Variants in SPECC1 observed in about 807,000 individuals in gnomAD.
SPECC1 encodes cytospin-B.
SPECC1 carries 62 observed loss-of-function variants against 104.1 expected under a neutral mutation model. That is an observed-to-expected ratio of 0.60 (90% CI 0.49 to 0.74). The LOEUF (loss-of-function observed/expected upper bound fraction) is 0.74, where lower values mean the gene tolerates loss of function less well. Among genes scored for constraint, SPECC1 ranks in the 30% least tolerant of loss-of-function variants. The probability of loss-of-function intolerance (pLI) is 0.00; values close to 1 mark genes in which losing one functional copy is unlikely to be tolerated. For synonymous variants in SPECC1, 513 were observed against 501.6 expected (o/e 1.02, Z -0.30); for missense variants, 1,306 against 1,310.5 (o/e 1.00, Z 0.05).
At chr17:20,211,751 A>T (rs1424675856) in intron 4 of SPECC1, among the ~76,000 whole-genome samples, 1 of 152,210 alleles carries the variant, frequency 6.6e-6, no homozygotes, top group Admixed American at 6.5e-5. Flanking sequence ...AGTTGGGCAG[A>T]TCCACAGAAC....
chr17:20,204,834 A>T lies in SPECC1; in HGVS notation c.785A>T (p.Asn262Ile), dbSNP rs1303597695. 1.2e-6 allele frequency: 2 copies of T among 1,613,974 alleles called. No individual in the cohort carries two copies. The highest frequency in any genetic ancestry group is 2.7e-5 in the African/African-American group (2 of 74,908). The change falls in exon 4 of 15, where the codon AAT becomes ATT. Residue 262 changes from asparagine to isoleucine, a missense_variant. Physicochemically the swap from Asn to Ile is moderately radical, Grantham distance 149. Around this residue, in one of 2 missense-constraint regions of SPECC1, gnomAD observed 1,177 missense variants for 1,139.9 expected, o/e 1.03. Transcript: ENST00000395527. Reference sequence around the variant, plus strand: ...CTGATCTATCTTGAGCACTCCCCAAATTCAGAAGGGGCAGCAAGTCACACT... The same window carrying T: ...CTGATCTATCTTGAGCACTCCCCAATTTCAGAAGGGGCAGCAAGTCACACT... ...EKLIYLEHSP[N>I]SEGAASHTGD...
rs940808674 is a variant in SPECC1 at position 20,315,300 on chromosome 17, A to G, written c.*1235A>G. On this transcript the variant is annotated 3_prime_UTR_variant, in exon 15 of 15. Coordinates refer to ENST00000395527, the MANE Select transcript of SPECC1 (RefSeq NM_001243439.2). ...AGGGCACATTTATAACTAACAAAGA[A>G]GAATGCAGTTGCCCCAGCATCCTAC... 44 of 232,124 alleles carry G rather than the reference A, an allele frequency of 1.9e-4. No individual in the cohort carries two copies. Among genetic ancestry groups the G allele is most frequent in the Non-Finnish European group, 3.6e-4 (42 of 117,396 alleles). 14.4% of individuals were successfully genotyped at this position (232,124 alleles called of 1,614,324 possible).
intron 1 of SPECC1, among the ~76,000 whole-genome samples, chr17:20,068,415 A>G (rs2046435139): frequency 6.6e-6 from 1 of 152,084 alleles, no homozygotes; most frequent in African/African-American, 2.4e-5. Context: ...TTTCTACTTT[A>G]TGGCTACTGT....
At chr17:20,134,925 C>G (rs942742795) in intron 3 of SPECC1, among the ~76,000 whole-genome samples, 2 of 152,192 alleles carry the variant, frequency 1.3e-5, no homozygotes, top group Admixed American at 6.5e-5. Context: ...TTTTCTGGTT[C>G]TGTGTAATCA....
At chr17:20,287,633 C>A (rs2041002137) in intron 12 of SPECC1, among the ~76,000 whole-genome samples, 1 of 152,124 alleles carries the variant, frequency 6.6e-6, no homozygotes, top group Non-Finnish European at 1.5e-5. Flanking sequence ...ACCCCAGTTA[C>A]TGGAAAGGAA....
chr17:20,179,600 A>G (rs535839657), intron 3 of SPECC1, among the ~76,000 whole-genome samples: 79 of 152,216 alleles, frequency 5.2e-4, no homozygotes, highest in Non-Finnish European at 9.3e-4. Flanking sequence ...AGTCAGAAAG[A>G]ATGTCAGAGA....
chr17:20,195,051 T>C (rs944271864), intron 3 of SPECC1, among the ~76,000 whole-genome samples: 1 of 152,194 alleles, frequency 6.6e-6, no homozygotes, highest in Non-Finnish European at 1.5e-5. Flanking sequence ...TACTTCCGTT[T>C]TTTATTGGTT....
intron 1 of SPECC1, among the ~76,000 whole-genome samples, chr17:20,059,692 C>T (rs1828368363): frequency 1.3e-5 from 2 of 152,102 alleles, no homozygotes; most frequent in South Asian, 2.1e-4. Context: ...CTAGTGAGAT[C>T]CCATCTCTAT....
At chr17:20,094,461 C>T (rs1442256609) in intron 1 of SPECC1, among the ~76,000 whole-genome samples, 1 of 152,166 alleles carries the variant, frequency 6.6e-6, no homozygotes, top group Non-Finnish European at 1.5e-5. Context: ...GACTTAGACT[C>T]CTGAAATGTT....
At chr17:20,264,121 G>A (rs1313454837) in intron 12 of SPECC1, among the ~76,000 whole-genome samples, 1 of 152,020 alleles carries the variant, frequency 6.6e-6, no homozygotes, top group Non-Finnish European at 1.5e-5. Context: ...AAAAATAACT[G>A]GTGAAAACTT....
intron 1 of SPECC1, among the ~76,000 whole-genome samples, chr17:20,020,009 C>G (rs1205032476): frequency 6.6e-6 from 1 of 152,176 alleles, no homozygotes; most frequent in African/African-American, 2.4e-5. Flanking sequence ...GGGTGACATG[C>G]ATAGAGCTGG....
At chr17:20,141,545 G>A (rs2152560148) in intron 3 of SPECC1, among the ~76,000 whole-genome samples, 2 of 152,240 alleles carry the variant, frequency 1.3e-5, no homozygotes, top group South Asian at 4.1e-4. Context: ...TTTTCAAGAA[G>A]CAGCTTTATT....
chr17:20,230,912 T>A (rs1003251128), intron 5 of SPECC1, among the ~76,000 whole-genome samples: 10 of 152,188 alleles, frequency 6.6e-5, no homozygotes, highest in African/African-American at 2.2e-4. Flanking sequence ...CCACTAGAAC[T>A]AGAACTGCTG....
intron 3 of SPECC1, among the ~76,000 whole-genome samples, chr17:20,145,666 A>G (rs1307636899): frequency 6.6e-6 from 1 of 152,188 alleles, no homozygotes; most frequent in Non-Finnish European, 1.5e-5. Context: ...AGCATCCTTG[A>G]CCTAGTCACT....
At chr17:20,287,042 C>T (rs181569127) in intron 12 of SPECC1, among the ~76,000 whole-genome samples, 1 of 152,258 alleles carries the variant, frequency 6.6e-6, no homozygotes, top group Non-Finnish European at 1.5e-5. Context: ...CCCTGCCTCC[C>T]CTGGGCTCTG....
At position 20,096,771 on chromosome 17, in the gene SPECC1, C is replaced by T. The variant is rs749365820; in HGVS notation, c.120C>T (p.Ser40=). The T allele has an allele frequency of 6.2e-7, 1 of 1,614,054 alleles. No individual in the cohort carries two copies. The highest frequency in any genetic ancestry group is 1.7e-5 in the Admixed American group (1 of 60,008). The stretch of plus-strand genomic sequence containing the variant: ...TGAAGAGTTCTAAGTCTTCAACTTC[C>T]TTGGCTTTTGAGTCCCGACTCAGCA... The part of the protein sequence containing the change: ...SGMKSSKSST[S]LAFESRLSRL... The change falls in exon 2 of 15, where the codon TCC becomes TCT. Residue 40 remains serine, a synonymous_variant. Transcript: ENST00000395527.
In SPECC1 at chr17:20,189,368, G is replaced by A. The variant is rs1410707268; in HGVS notation, c.284-14965G>A. Reference sequence around the variant, plus strand: ...CAGTATGCAGAGAGAATTCTGGGACGAAGCGCTCCTCCAGCCACTTCAGTT... The same window carrying A: ...CAGTATGCAGAGAGAATTCTGGGACAAAGCGCTCCTCCAGCCACTTCAGTT... On this transcript the variant is annotated intron_variant, in intron 3 of 14. Transcript: ENST00000395527. Among the ~76,000 whole-genome samples the A allele has an allele frequency of 1.3e-5, 2 of 152,172 alleles. 1 individual carries two copies. Among genetic ancestry groups the A allele is most frequent in the Admixed American group, 1.3e-4 (2 of 15,276 alleles).
At chr17:20,118,148 A>T (rs926504160) in intron 3 of SPECC1, among the ~76,000 whole-genome samples, 2 of 152,084 alleles carry the variant, frequency 1.3e-5, no homozygotes, top group Non-Finnish European at 2.9e-5. Flanking sequence ...GCAAAACAAC[A>T]ATTAGATATA....
intron 3 of SPECC1, among the ~76,000 whole-genome samples, chr17:20,161,635 A>G (rs2033156572): frequency 6.6e-6 from 1 of 152,120 alleles, no homozygotes. Context: ...GAGAATGGAA[A>G]GGAGTTGGTA....
Sources: allele counts gnomAD v4.1 joint callset (sites outside exome capture counted in the v4.1 genomes callset), GRCh38; gene constraint gnomAD v4.1.1; regional missense constraint gnomAD v4.1.1; transcripts MANE v1.5; gene names NCBI Gene and HGNC (gene_info 2026-07-23, HGNC 2026-07-21).